UBE2Z: variants seen among roughly 807,000 people sequenced by gnomAD.
UBE2Z encodes the protein ubiquitin conjugating enzyme E2 Z, also known as ubiquitin-conjugating enzyme E2 Z.
In UBE2Z, 10 loss-of-function variants were observed where a neutral mutation model predicts 32.6. That is an observed-to-expected ratio of 0.31 (90% CI 0.19 to 0.52). The LOEUF (loss-of-function observed/expected upper bound fraction) is 0.52, where lower values mean the gene tolerates loss of function less well. Among genes scored for constraint, UBE2Z ranks in the 20% least tolerant of loss-of-function variants. The probability of loss-of-function intolerance (pLI) is 0.97; values close to 1 mark genes in which losing one functional copy is unlikely to be tolerated. For synonymous variants in UBE2Z, 183 were observed against 190.8 expected (o/e 0.96, Z 0.34); for missense variants, 343 against 480.9 (o/e 0.71, Z 2.68).
intron 1 of UBE2Z, 129 bp from the exon 2 acceptor site, chr17:48,910,679 C>CT: frequency 1.3e-6 from 1 of 748,186 alleles, no homozygotes; most frequent in Non-Finnish European, 2.4e-6. Flanking sequence ...AGTACAAACA[C>CT]TTGCGGTACC....
intron 6 of UBE2Z, among the ~76,000 whole-genome samples, chr17:48,925,407 G>A (rs1489645262): frequency 6.6e-6 from 1 of 152,166 alleles, no homozygotes; most frequent in Non-Finnish European, 1.5e-5. Context: ...AGCGTAGGAG[G>A]AGATGACTTA....
chr17:48,919,423 C>T (rs891989360), intron 4 of UBE2Z, among the ~76,000 whole-genome samples: 12 of 152,300 alleles, frequency 7.9e-5, no homozygotes, highest in African/African-American at 2.9e-4. Flanking sequence ...TTTATATTGG[C>T]TTTCTAGACC....
rs138887224 is a variant in UBE2Z, at chr17:48,922,137, C to G, written c.804-710C>G. Among the ~76,000 whole-genome samples, 115 of 152,226 alleles carry G rather than the reference C, an allele frequency of 7.6e-4. 1 individual carries two copies. The highest frequency in any genetic ancestry group is 2.5e-3 in the African/African-American group (105 of 41,548). ...CCTTTTTCCAAAAGGAACTGTAATC[C>G]CAGCACTTTGGGAGGCCAAGGAAGG... On this transcript the variant is annotated intron_variant, in intron 5 of 6. Coordinates refer to ENST00000360943, the MANE Select transcript of UBE2Z (RefSeq NM_023079.5).
chr17:48,916,257 T>G, intron 4 of UBE2Z, 70 bp downstream of exon 4: 1 of 817,594 alleles, frequency 1.2e-6, no homozygotes, highest in Non-Finnish European at 1.8e-6. Flanking sequence ...TTGGTTTTTT[T>G]GTTTTTTTTT....
At chr17:48,924,418 A>G (rs2040783215) in intron 6 of UBE2Z, among the ~76,000 whole-genome samples, 1 of 152,228 alleles carries the variant, frequency 6.6e-6, no homozygotes, top group Admixed American at 6.5e-5. Context: ...GTAGTGTCAC[A>G]TGTTGAAAGA....
chr17:48,922,050 A>C (rs1273347978), intron 5 of UBE2Z, among the ~76,000 whole-genome samples: 1 of 152,144 alleles, frequency 6.6e-6, no homozygotes, highest in Non-Finnish European at 1.5e-5. Flanking sequence ...AATGGTGAAT[A>C]TTACAGTCAC....
rs145792153 is a variant in UBE2Z at position 48,911,736 on chromosome 17, A to G, written c.390+856A>G. ...TCCTCAGTCAAGTACCAGTGTTAAT[A>G]GCCTAGTACCTGGGGTCCCAGAGTT... On this transcript the variant is annotated intron_variant, in intron 2 of 6. Coordinates refer to ENST00000360943, the MANE Select transcript of UBE2Z (RefSeq NM_023079.5). 2.0e-5 allele frequency: 3 copies of G among 152,290 alleles called. No homozygotes were observed. In the East Asian group the frequency reaches 5.8e-4, roughly 29 times the overall value. The allele number at this position is 152,290 out of a possible 1,614,324, so 9.4% of individuals were successfully genotyped here.
chr17:48,911,691 G>A (rs2040678959), intron 2 of UBE2Z: 1 of 151,994 alleles, frequency 6.6e-6, no homozygotes, highest in Non-Finnish European at 1.5e-5. Flanking sequence ...AGTTAGAAAT[G>A]TTTTTCCTAG....
rs780322678 is a variant in UBE2Z, at chr17:48,921,211, A to G, written c.742A>G (p.Thr248Ala). Residue 248 changes from threonine (T) to alanine (A), a missense_variant, in exon 5 of 7, where the codon ACC (threonine) becomes GCC (alanine). Physicochemically the swap from Thr to Ala is moderately conservative, Grantham distance 58. Coordinates refer to ENST00000360943, the MANE Select transcript of UBE2Z (RefSeq NM_023079.5). ...KNYNECIRHE[T>A]IRVAVCDMME... ...CTATAATGAATGTATCCGGCACGAGACCATCAGAGTTGCAGTCTGTGACAT... is the reference window on the plus strand; with the variant it reads ...CTATAATGAATGTATCCGGCACGAGGCCATCAGAGTTGCAGTCTGTGACAT... 6.2e-7 allele frequency: 1 copy of G among 1,613,056 alleles called. No homozygotes were observed. Among genetic ancestry groups the G allele is most frequent in the Admixed American group, 1.7e-5 (1 of 59,862 alleles).
intron 1 of UBE2Z, among the ~76,000 whole-genome samples, chr17:48,909,364 T>C (rs1224682633): frequency 6.6e-6 from 1 of 151,896 alleles, no homozygotes; most frequent in Non-Finnish European, 1.5e-5. Context: ...CCACACAGTC[T>C]TTTCCCAGGT....
At chr17:48,910,218 A>G (rs995372817) in intron 1 of UBE2Z, 3 of 152,542 alleles carry the variant, frequency 2.0e-5, no homozygotes, top group African/African-American at 7.3e-5. Context: ...CAGATGGGAG[A>G]TTCTTAGCAA....
chr17:48,924,574 G>A (rs765353042), intron 6 of UBE2Z, among the ~76,000 whole-genome samples: 5 of 149,802 alleles, frequency 3.3e-5, no homozygotes, highest in Non-Finnish European at 7.4e-5. Flanking sequence ...AGCCAGGTGC[G>A]GTGGCTTATG....
At chr17:48,920,428 C>T (rs917560651) in intron 4 of UBE2Z, among the ~76,000 whole-genome samples, 3 of 151,974 alleles carry the variant, frequency 2.0e-5, no homozygotes, top group Non-Finnish European at 2.9e-5. Context: ...ACCCAGGAGG[C>T]GGAGGTTGCA....
At chr17:48,915,960 T>G in intron 3 of UBE2Z, 116 bp from the exon 4 acceptor site, 1 of 596,636 alleles carries the variant, frequency 1.7e-6, no homozygotes, top group Non-Finnish European at 2.8e-6. Context: ...TCCAGAGTAT[T>G]AATAGTGAAA....
intron 1 of UBE2Z, 98 bp downstream of exon 1, chr17:48,908,918 G>T: frequency 1.5e-5 from 15 of 998,604 alleles, no homozygotes; most frequent in Non-Finnish European, 1.9e-5. Flanking sequence ...CACCCACTGC[G>T]CTGCCCTCGC....
chr17:48,915,874 C>T (rs1421908568), intron 3 of UBE2Z: 1 of 334,790 alleles, frequency 3.0e-6, no homozygotes, highest in Non-Finnish European at 5.4e-6. Context: ...TGCCCCCCCC[C>T]CTTGATTTGA....
intron 4 of UBE2Z, 63 bp downstream of exon 4, chr17:48,916,250 GT>G (rs1234372680): frequency 5.8e-6 from 3 of 517,688 alleles, no homozygotes; most frequent in East Asian, 4.7e-5. Flanking sequence ...TGGTTGGTTG[GT>G]TTTTTTGTTT....
At chr17:48,912,674 A>G (rs1172604351) in intron 2 of UBE2Z, 160 bp from the exon 3 acceptor site, 4 of 710,674 alleles carry the variant, frequency 5.6e-6, no homozygotes, top group Non-Finnish European at 7.1e-6. Context: ...ACGTATTAGT[A>G]TGAGTGAATA....
Position 48,926,993 on chromosome 17 carries a change from T to A in UBE2Z, c.924T>A (p.Phe308Leu). The A allele has an allele frequency of 6.2e-7, 1 of 1,613,384 alleles. No homozygotes were observed. Among genetic ancestry groups the A allele is most frequent in the Non-Finnish European group, 8.5e-7 (1 of 1,179,744 alleles). The change falls in exon 7 of 7, where the codon TTT (phenylalanine) becomes TTA (leucine). Residue 308 changes from phenylalanine (F) to leucine (L), a missense_variant. Physicochemically the swap from Phe to Leu is conservative, Grantham distance 22 (BLOSUM62 0). Transcript: ENST00000360943. ...QDPFGEKRGH[F>L]DYQSLLMRLG... ...CTTTTGGAGAGAAGCGGGGCCACTTTGACTACCAGTCCCTCTTGATGCGCC... is the reference window on the plus strand; with the variant it reads ...CTTTTGGAGAGAAGCGGGGCCACTTAGACTACCAGTCCCTCTTGATGCGCC...
Sources: gnomAD v4.1 joint callset for allele counts (sites outside exome capture counted in the v4.1 genomes callset) on GRCh38, gnomAD v4.1.1 for gene constraint, MANE v1.5 for transcripts, NCBI Gene and HGNC (gene_info 2026-07-23, HGNC 2026-07-21) for gene names.